The following ACTR8 variants were observed in gnomAD, a reference collection of about 807,000 sequenced individuals.
ACTR8 encodes the protein actin related protein 8, also known as actin-related protein 8.
In ACTR8, 70 loss-of-function variants were observed where a neutral mutation model predicts 84.3. The ratio of observed to expected loss-of-function variants is 0.83; its 90% confidence interval spans 0.68 to 1.01. The LOEUF (loss-of-function observed/expected upper bound fraction) is 1.01. ACTR8 is among the 50% of genes least tolerant of loss of function. The pLI is 0.00. For missense variants in ACTR8, 672 were observed against 775.4 expected (o/e 0.87, Z 1.58); for synonymous variants, 268 against 275.2 (o/e 0.97, Z 0.26).
rs201450445 is a variant in ACTR8, at chr3:53,868,754, G to A, written c.1840C>T (p.Arg614Cys). ...YQREWQRFGV[R>C]MLRERAAFVW ...AACGCAGCCCGCTCTCGTAACATGC[G>A]GACACCAAAGCGCTGCCACTCTCGC... The change falls in exon 13 of 13, where the codon CGC (arginine) becomes TGC (cysteine). Residue 614 changes from arginine (R) to cysteine (C), a missense_variant. Coordinates refer to ENST00000335754, the MANE Select transcript of ACTR8 (RefSeq NM_022899.5). 12 of 1,614,122 alleles carry A rather than the reference G, an allele frequency of 7.4e-6. No homozygotes were observed. The highest frequency in any genetic ancestry group is 4.5e-5 in the East Asian group (2 of 44,868).
At position 53,881,869 on chromosome 3, in the gene ACTR8, G is replaced by A. The variant is rs967034449; in HGVS notation, c.123+110C>T. 15 of 1,503,524 alleles carry A rather than the reference G, an allele frequency of 1.0e-5. No individual in the cohort carries two copies. In the African/African-American group the frequency reaches 1.8e-4, roughly 18 times the overall value. The allele number at this position is 1,503,524 out of a possible 1,614,324, so 93.1% of individuals were successfully genotyped here. On this transcript the variant is annotated intron_variant, in intron 1 of 12. Coordinates refer to ENST00000335754, the MANE Select transcript of ACTR8 (RefSeq NM_022899.5). Reference sequence around the variant, plus strand: ...ACCGCTTCCGCACTCCCCCCACCAGGGGCTGGGGCCTGCAAGGGGGACTCG... The same window carrying A: ...ACCGCTTCCGCACTCCCCCCACCAGAGGCTGGGGCCTGCAAGGGGGACTCG...
At position 53,874,325 on chromosome 3, in the gene ACTR8, A is replaced by C; in HGVS notation, c.951T>G (p.Cys317Trp). Residue 317 changes from cysteine to tryptophan, a missense_variant, in exon 8 of 13, where the codon TGT (cysteine) becomes TGG (tryptophan). Transcript: ENST00000335754. ...CAGCTCGCTGCATTAGCCAGTAAAA[A>C]CATCTTGACACATCAGATCCTCCGT... ...LAYGGSDVSR[C>W]FYWLMQRAGF... is the part of the protein sequence containing the mutation. 1 of 1,614,186 alleles carries C rather than the reference A, an allele frequency of 6.2e-7. No individual in the cohort carries two copies. Among genetic ancestry groups the C allele is most frequent in the Middle Eastern group, 1.6e-4 (1 of 6,062 alleles).
intron 12 of ACTR8, 105 bp downstream of exon 12, chr3:53,869,877 A>G: frequency 7.2e-7 from 1 of 1,387,374 alleles, no homozygotes; most frequent in Admixed American, 2.1e-5. Flanking sequence ...CTAAGCCCTC[A>G]AGAACTCCTC....
At chr3:53,877,094 T>G in intron 5 of ACTR8, 120 bp downstream of exon 5, 1 of 976,320 alleles carries the variant, frequency 1.0e-6, no homozygotes, top group Non-Finnish European at 1.4e-6. Flanking sequence ...CCAAGAATCC[T>G]CACCCTGAAG....
rs777148213 is a variant in ACTR8 at position 53,868,728 on chromosome 3, A to G, written c.1866T>C (p.Phe622=). The G allele has an allele frequency of 1.2e-6, 2 of 1,614,078 alleles. No individual in the cohort carries two copies. The highest frequency in any genetic ancestry group is 2.2e-5 in the East Asian group (1 of 44,878). ...GVRMLRERAA[F]VW is the part of the protein sequence containing the mutation. ...GACATTTCCTCCCCATTCACCACAC[A>G]AACGCAGCCCGCTCTCGTAACATGC... Residue 622 remains phenylalanine (F), a synonymous_variant, in exon 13 of 13, where the codon TTT becomes TTC. Transcript: ENST00000335754.
At chr3:53,876,872 GAA>G (rs5849013) in intron 5 of ACTR8, among the ~76,000 whole-genome samples, 159 bp from the exon 6 acceptor site, 1 of 146,098 alleles carries the variant, frequency 6.8e-6, no homozygotes. Flanking sequence ...GTTTTATAAG[GAA>G]AAAAAAAATG....
At chr3:53,861,278 GAAA>G in the ACTR8 span, 1 of 149,460 alleles carries the variant, frequency 6.7e-6, no homozygotes, top group Non-Finnish European at 1.5e-5. Flanking sequence ...GCAGTGTCAT[GAAA>G]AAAAGCAAAA....
Position 53,877,669 on chromosome 3 carries a change from G to C in ACTR8, c.488C>G (p.Pro163Arg). Residue 163 changes from proline to arginine, a missense_variant, in exon 4 of 13, where the codon CCT becomes CGT. Physicochemically the swap from Pro to Arg is moderately radical, Grantham distance 103 (BLOSUM62 -2). Transcript: ENST00000335754. ...TACCTCTTCTCCTACTAAATACTCA[G>C]GGTGATGAGATGTGTTTGTCCACTT... Reference protein sequence around the residue: ...GNKWTNTSHHPEYLVGEEALY... With the variant: ...GNKWTNTSHHREYLVGEEALY... 5 of 1,613,924 alleles carry C rather than the reference G, an allele frequency of 3.1e-6. No homozygotes were observed. The East Asian group carries it at 8.9e-5, about 29-fold the overall frequency.
chr3:53,872,552 C>G, intron 9 of ACTR8, 28 bp from the exon 10 acceptor site: 11 of 1,546,612 alleles, frequency 7.1e-6, no homozygotes, highest in African/African-American at 1.4e-5. Flanking sequence ...GAGTGATCAA[C>G]AAAAGATACT....
chr3:53,868,984 C>T, intron 12 of ACTR8, 122 bp from the exon 13 acceptor site: 1 of 1,353,596 alleles, frequency 7.4e-7, no homozygotes, highest in Non-Finnish European at 9.9e-7. Flanking sequence ...GGCTTTCACC[C>T]TGTATTAAAG....
chr3:53,865,157 CAA>C (rs1699739354), downstream of ACTR8: 1 of 1,614,076 alleles, frequency 6.2e-7, no homozygotes, highest in African/African-American at 1.3e-5. Flanking sequence ...GAGATTGATA[CAA>C]AAGACGATTA....
chr3:53,860,350 T>G, the ACTR8 span: 1 of 692,004 alleles, frequency 1.4e-6, no homozygotes, highest in Non-Finnish European at 2.5e-6. Context: ...ATAGCATTTA[T>G]GTAATACCTT....
downstream of ACTR8, chr3:53,864,743 C>G (rs1413675419): frequency 3.8e-6 from 6 of 1,594,506 alleles, no homozygotes; most frequent in Non-Finnish European, 5.1e-6. Context: ...TCTCCTCTCA[C>G]AGAAAGGATC....
chr3:53,866,626 C>T (rs1343876321), downstream of ACTR8, among the ~76,000 whole-genome samples: 2 of 148,240 alleles, frequency 1.3e-5, no homozygotes, highest in East Asian at 2.1e-4. Flanking sequence ...GGACTACAGG[C>T]ACCCACCACC....
At chr3:53,862,342 C>T (rs140462350), downstream of ACTR8, among the ~76,000 whole-genome samples, 1,121 of 152,194 alleles carry the variant, frequency 7.4e-3, 16 homozygotes, top group African/African-American at 0.025. Context: ...ACGAGAACAC[C>T]AACAGAGAGA....
chr3:53,877,390 A>C lies in ACTR8; in HGVS notation c.511-3T>G, dbSNP rs1217347934. 1 of 1,591,332 alleles carries C rather than the reference A, an allele frequency of 6.3e-7. No individual in the cohort carries two copies. Among genetic ancestry groups the C allele is most frequent in the Non-Finnish European group, 8.5e-7 (1 of 1,170,754 alleles). The stretch of plus-strand genomic sequence containing the variant: ...TCCAGTGGATTAACATACAAGGCCT[A>C]GAAAAGGAGGAGGGAGATGAGTACT... On this transcript the variant is annotated splice_polypyrimidine_tract_variant and splice_region_variant and intron_variant, in intron 4 of 12. Transcript: ENST00000335754.
At chr3:53,873,973 C>T (rs1202516630) in intron 8 of ACTR8, among the ~76,000 whole-genome samples, 1 of 152,032 alleles carries the variant, frequency 6.6e-6, no homozygotes, top group Non-Finnish European at 1.5e-5. Flanking sequence ...TACAGGTGCC[C>T]GCCACCACGC....
rs371379117 is a variant in ACTR8, at chr3:53,875,986, T to C, written c.873A>G (p.Val291=). 8.7e-6 allele frequency: 14 copies of C among 1,614,102 alleles called. No individual in the cohort carries two copies. The highest frequency in any genetic ancestry group is 1.6e-4 in the Middle Eastern group (1 of 6,084). Reference sequence around the variant, plus strand: ...GAGACACCCCATCCTCCACACAGCATACACTTGTCTTCTGGTCCCCAACGT... The same window carrying C: ...GAGACACCCCATCCTCCACACAGCACACACTTGTCTTCTGGTCCCCAACGT... ...IVDVGDQKTS[V]CCVEDGVSHR... The change falls in exon 7 of 13, where the codon GTA becomes GTG. Residue 291 remains valine (V), a synonymous_variant. Coordinates refer to ENST00000335754, the MANE Select transcript of ACTR8 (RefSeq NM_022899.5).
chr3:53,874,198 A>G lies in ACTR8; in HGVS notation c.1065+13T>C. The G allele has an allele frequency of 6.3e-7, 1 of 1,598,400 alleles. No individual in the cohort carries two copies. Among genetic ancestry groups the G allele is most frequent in the Non-Finnish European group, 8.5e-7 (1 of 1,175,548 alleles). ...GAAACAAAAATAATCAGCAATATTG[A>G]TTCTGCTCCCACCTGATCTAAATGA... On this transcript the variant is annotated intron_variant, in intron 8 of 12. Transcript: ENST00000335754.
Sources: gnomAD v4.1 joint callset for allele counts (sites outside exome capture counted in the v4.1 genomes callset) on GRCh38, gnomAD v4.1.1 for gene constraint, MANE v1.5 for transcripts, NCBI Gene and HGNC (gene_info 2026-07-23, HGNC 2026-07-21) for gene names.